COPG2: variants seen among roughly 807,000 people sequenced by gnomAD.
COPG2 encodes coat protein complex I subunit gamma 2.
COPG2 carries 37 observed loss-of-function variants against 46.3 expected under a neutral mutation model. The ratio of observed to expected loss-of-function variants is 0.80; its 90% CI spans 0.61 to 1.05. The LOEUF (loss-of-function observed/expected upper bound fraction) is 1.05, where lower values mean the gene tolerates loss of function less well. Ranked by LOEUF, COPG2 falls within the 50% of genes least tolerant of loss-of-function variation. COPG2 has a pLI of 0.00. For missense variants in COPG2, 427 were observed against 387.8 expected, an observed-to-expected ratio of 1.10 and a Z score of -0.85; for synonymous variants, 159 against 129.7, an observed-to-expected ratio of 1.23 and a Z score of -1.53.
At chr7:130,559,227 C>T (rs920304612) in intron 12 of COPG2, among the ~76,000 whole-genome samples, 3 of 152,024 alleles carry the variant, frequency 2.0e-5, no homozygotes, top group Non-Finnish European at 4.4e-5. Flanking sequence ...AAAGAAAATG[C>T]GGAAAATGCA....
At chr7:130,551,675 G>C (rs973970895) in intron 15 of COPG2, among the ~76,000 whole-genome samples, 1 of 152,104 alleles carries the variant, frequency 6.6e-6, no homozygotes, top group Non-Finnish European at 1.5e-5. Flanking sequence ...TCTGTAATTA[G>C]GAAATGGGAG....
rs1584577566 is a variant in COPG2 at position 130,611,122 on chromosome 7, G to A, written c.580-12C>T. On this transcript the variant is annotated splice_polypyrimidine_tract_variant and intron_variant, in intron 8 of 23. Transcript: ENST00000425248. Reference sequence around the variant, plus strand: ...CCCAATGCATGGTACTAAAGAACATGAAAAAGAAGGTAGCACATGGATTAG... The same window carrying A: ...CCCAATGCATGGTACTAAAGAACATAAAAAAGAAGGTAGCACATGGATTAG... 1.2e-6 allele frequency: 2 copies of A among 1,603,260 alleles called. No homozygotes were observed. Among genetic ancestry groups the A allele is most frequent in the Middle Eastern group, 1.7e-4 (1 of 6,012 alleles).
intron 5 of COPG2, among the ~76,000 whole-genome samples, chr7:130,622,791 G>A (rs782572137): frequency 7.0e-4 from 106 of 152,244 alleles, no homozygotes; most frequent in Admixed American, 2.6e-3. Context: ...TAAGCCCTGT[G>A]TTGGGTGCAC....
At chr7:130,525,609 G>C (rs1055662495) in intron 20 of COPG2, among the ~76,000 whole-genome samples, 1 of 152,324 alleles carries the variant, frequency 6.6e-6, no homozygotes, top group South Asian at 2.1e-4. Flanking sequence ...CTGAGCTTCT[G>C]CTGTCACGGA....
rs555393779 is a variant in COPG2 at position 130,645,062 on chromosome 7, C to G, written c.323+7807G>C. Among the ~76,000 whole-genome samples the G allele has an allele frequency of 2.0e-4, 18 of 89,276 alleles. 1 individual carries two copies. In the East Asian group the frequency reaches 3.7e-3, roughly 18 times the overall value. 58.6% of individuals were successfully genotyped at this position (89,276 alleles called of 152,430 possible). ...GGGGGACAAGAGCGAGACTTCATCCCAAAAACAAAAAAAAAAAAAAAAAGA... is the reference window on the plus strand; with the variant it reads ...GGGGGACAAGAGCGAGACTTCATCCGAAAAACAAAAAAAAAAAAAAAAAGA... On this transcript the variant is annotated intron_variant, in intron 5 of 23. Coordinates refer to ENST00000425248, the MANE Select transcript of COPG2 (RefSeq NM_012133.6).
chr7:130,527,375 C>T (rs1331783496), intron 20 of COPG2, among the ~76,000 whole-genome samples: 1 of 146,216 alleles, frequency 6.8e-6, no homozygotes, highest in African/African-American at 2.6e-5. Context: ...GTAGCTGGAA[C>T]TGCAAAGTAA....
intron 20 of COPG2, among the ~76,000 whole-genome samples, chr7:130,516,311 T>C (rs1171117990): frequency 2.6e-5 from 4 of 151,830 alleles, no homozygotes; most frequent in Non-Finnish European, 5.9e-5. Context: ...ATCTGAAGAG[T>C]AGAAAACTGG....
At chr7:130,610,657 T>C (rs1554451901) in intron 9 of COPG2, 2 of 562,354 alleles carry the variant, frequency 3.6e-6, no homozygotes, top group East Asian at 8.2e-5. Context: ...TAATTCTTAA[T>C]GTCCCTGCCA....
In COPG2 at chr7:130,554,586, T is replaced by C; in HGVS notation, c.1363A>G (p.Ile455Val). The change falls in exon 14 of 24, where the codon ATT becomes GTT. Residue 455 changes from isoleucine to valine, a missense_variant. Transcript: ENST00000425248. Reference sequence around the variant, plus strand: ...CCCTCTTTGCCCAACAAGTGTAGAATCTTAGTAGCCAGAACAGTGTGTTCA... The same window carrying C: ...CCCTCTTTGCCCAACAAGTGTAGAACCTTAGTAGCCAGAACAGTGTGTTCA... ...DCEHTVLATK[I>V]LHLLGKEGPR... 1 of 398,526 alleles carries C rather than the reference T, an allele frequency of 2.5e-6. No homozygotes were observed. The highest frequency in any genetic ancestry group is 4.4e-6 in the Non-Finnish European group (1 of 226,050). The allele number at this position is 398,526 out of a possible 1,614,324, so 24.7% of individuals were successfully genotyped here.
intron 9 of COPG2, among the ~76,000 whole-genome samples, chr7:130,578,175 A>G (rs1794050299): frequency 6.7e-6 from 1 of 150,034 alleles, no homozygotes; most frequent in Non-Finnish European, 1.5e-5. Context: ...TGCCTCCTCA[A>G]GTGGGTCCCT....
chr7:130,534,737 T>A (rs949647055), intron 20 of COPG2, among the ~76,000 whole-genome samples: 9 of 151,752 alleles, frequency 5.9e-5, no homozygotes, highest in African/African-American at 2.2e-4. Flanking sequence ...ACAGGTGTAG[T>A]AAAGGTAGTG....
chr7:130,668,522 G>T, intron 1 of COPG2, 110 bp downstream of exon 1: 1 of 984,116 alleles, frequency 1.0e-6, no homozygotes, highest in Non-Finnish European at 1.4e-6. Flanking sequence ...CCGGCCCCCT[G>T]GCACGGCGGC....
At chr7:130,559,665 C>T (rs1323085272) in intron 12 of COPG2, among the ~76,000 whole-genome samples, 1 of 152,168 alleles carries the variant, frequency 6.6e-6, no homozygotes, top group African/African-American at 2.4e-5. Flanking sequence ...CTACCACAGG[C>T]ACTCAAAATC....
At chr7:130,540,299 G>C (rs1799923747) in intron 20 of COPG2, among the ~76,000 whole-genome samples, 1 of 152,120 alleles carries the variant, frequency 6.6e-6, no homozygotes, top group Non-Finnish European at 1.5e-5. Context: ...GTGGTTTCTT[G>C]TAGGTCGAAA....
intron 9 of COPG2, among the ~76,000 whole-genome samples, chr7:130,599,211 G>A (rs1371709957): frequency 1.3e-5 from 2 of 152,182 alleles, no homozygotes; most frequent in African/African-American, 4.8e-5. Context: ...GAATAATACT[G>A]GGTGGTCACC....
intron 9 of COPG2, among the ~76,000 whole-genome samples, chr7:130,580,195 T>G (rs1399687942): frequency 1.3e-5 from 2 of 152,176 alleles, no homozygotes; most frequent in East Asian, 3.9e-4. Context: ...AGAAACTCAC[T>G]CAAAACCACT....
intron 20 of COPG2, among the ~76,000 whole-genome samples, chr7:130,535,509 G>A (rs1037103662): frequency 1.3e-5 from 2 of 151,948 alleles, no homozygotes; most frequent in Non-Finnish European, 2.9e-5. Flanking sequence ...GCATGGGGAA[G>A]GGAAAGTGTG....
Position 130,667,509 on chromosome 7 carries a change from A to G in COPG2, c.63T>C (p.His21=). 5 of 1,613,694 alleles carry G rather than the reference A, an allele frequency of 3.1e-6. No homozygotes were observed. Among genetic ancestry groups the G allele is most frequent in the Non-Finnish European group, 4.2e-6 (5 of 1,179,702 alleles). ...ESGSGSNPFQ[H]LEKSAVLQEA... ...CCTGTAAAACAGCACTCTTCTCCAG[A>G]TGCTGGAAAGGATTGGAGCCACTAC... Residue 21 remains histidine, a synonymous_variant, in exon 2 of 24, where the codon CAT becomes CAC. Transcript: ENST00000425248.
intron 20 of COPG2, among the ~76,000 whole-genome samples, chr7:130,526,773 A>G (rs1036447905): frequency 2.0e-5 from 3 of 149,074 alleles, no homozygotes; most frequent in African/African-American, 7.5e-5. Flanking sequence ...CTTTGTTGCA[A>G]AGGTGTGAAT....
Sources: allele counts gnomAD v4.1 joint callset (sites outside exome capture counted in the v4.1 genomes callset), GRCh38; gene constraint gnomAD v4.1.1; transcripts MANE v1.5; gene names NCBI Gene and HGNC (gene_info 2026-07-23, HGNC 2026-07-21).